LZTFL1: variants seen among roughly 807,000 people sequenced by gnomAD.
LZTFL1 encodes leucine zipper transcription factor-like protein 1.
Under a neutral mutation model 45.9 loss-of-function variants are expected in LZTFL1, and 25 were observed. The ratio of observed to expected loss-of-function variants is 0.54; its 90% CI spans 0.40 to 0.76. The LOEUF is 0.76. Ranked by LOEUF, LZTFL1 falls within the 30% of genes least tolerant of loss-of-function variation. LZTFL1 has a pLI of 0.00. For missense variants in LZTFL1, 277 were observed against 331.1 expected (o/e 0.84, Z 1.27); for synonymous variants, 93 against 117.4 (o/e 0.79, Z 1.35).
chr3:45,909,268 A>G (rs1702742231), intron 2 of LZTFL1, among the ~76,000 whole-genome samples: 1 of 152,168 alleles, frequency 6.6e-6, no homozygotes, highest in Admixed American at 6.5e-5. Flanking sequence ...TCATCCCAAA[A>G]TCACCTCTCC....
intron 2 of LZTFL1, among the ~76,000 whole-genome samples, chr3:45,884,570 C>T (rs754075374): frequency 6.6e-6 from 1 of 152,194 alleles, no homozygotes; most frequent in Non-Finnish European, 1.5e-5. Flanking sequence ...TACCCCTTCT[C>T]CTCTTCCCTG....
At chr3:45,852,025 C>A (rs778758344) in intron 4 of LZTFL1, among the ~76,000 whole-genome samples, 9 of 152,194 alleles carry the variant, frequency 5.9e-5, no homozygotes, top group African/African-American at 1.7e-4. Flanking sequence ...AGTCCTGACA[C>A]GTTCATCTCC....
At chr3:45,866,228 C>T (rs528458623) in intron 2 of LZTFL1, among the ~76,000 whole-genome samples, 147 of 152,144 alleles carry the variant, frequency 9.7e-4, no homozygotes, top group African/African-American at 3.4e-3. Flanking sequence ...ATGATTGATC[C>T]GGTGTGTACT....
intron 2 of LZTFL1, among the ~76,000 whole-genome samples, chr3:45,880,842 C>A (rs1296535356): frequency 3.9e-5 from 6 of 152,064 alleles, no homozygotes; most frequent in African/African-American, 7.2e-5. Flanking sequence ...CTTCCCACGC[C>A]ACTCCCTCCA....
chr3:45,833,596 T>A (rs1700888842), intron 4 of LZTFL1, among the ~76,000 whole-genome samples: 1 of 152,180 alleles, frequency 6.6e-6, no homozygotes, highest in Non-Finnish European at 1.5e-5. Context: ...ATATAGTAGT[T>A]TAGTAATATA....
At chr3:45,897,399 A>G (rs1255167532) in intron 2 of LZTFL1, among the ~76,000 whole-genome samples, 1 of 152,218 alleles carries the variant, frequency 6.6e-6, no homozygotes, top group Non-Finnish European at 1.5e-5. Context: ...ATTCTCACCC[A>G]GCAGAAAAAC....
At chr3:45,864,917 C>A (rs774693232) in intron 2 of LZTFL1, among the ~76,000 whole-genome samples, 1 of 152,222 alleles carries the variant, frequency 6.6e-6, no homozygotes, top group Non-Finnish European at 1.5e-5. Flanking sequence ...TTTTGCCCTT[C>A]TCAGAATGAC....
chr3:45,905,341 T>A (rs556734843), intron 2 of LZTFL1, among the ~76,000 whole-genome samples: 1 of 152,354 alleles, frequency 6.6e-6, no homozygotes, highest in South Asian at 2.1e-4. Context: ...TCCTACATTA[T>A]TAGAACAGAC....
chr3:45,854,342 G>C (rs1575271034), intron 4 of LZTFL1: 1 of 153,210 alleles, frequency 6.5e-6, no homozygotes, highest in East Asian at 1.9e-4. Flanking sequence ...GAGGCAGGCA[G>C]ATCACCTGAG....
chr3:45,894,998 A>T, intron 2 of LZTFL1: 1 of 1,596,272 alleles, frequency 6.3e-7, no homozygotes, highest in Non-Finnish European at 8.6e-7. Flanking sequence ...ACACACACTC[A>T]TCTTCCCTTT....
intron 2 of LZTFL1, among the ~76,000 whole-genome samples, chr3:45,899,162 G>T (rs1380993151): frequency 1.3e-5 from 2 of 152,208 alleles, no homozygotes. Flanking sequence ...GCAAAACTCC[G>T]TCTCAAAACA....
chr3:45,915,665 AG>A, upstream of LZTFL1: 2 of 369,572 alleles, frequency 5.4e-6, no homozygotes, highest in Middle Eastern at 3.8e-4. Context: ...AATTCATTCA[AG>A]GCTTTAGATG....
intron 2 of LZTFL1, among the ~76,000 whole-genome samples, chr3:45,885,287 G>C (rs1486111192): frequency 2.6e-5 from 4 of 152,072 alleles, no homozygotes; most frequent in African/African-American, 7.2e-5. Flanking sequence ...ATATATAAAA[G>C]GGATCTTTGT....
chr3:45,853,085 T>G (rs1701331809), intron 4 of LZTFL1, among the ~76,000 whole-genome samples: 1 of 152,178 alleles, frequency 6.6e-6, no homozygotes, highest in Non-Finnish European at 1.5e-5. Context: ...ACACTGAAGG[T>G]GGGGTAGGTG....
chr3:45,890,038 C>T (rs2125739992), intron 2 of LZTFL1, among the ~76,000 whole-genome samples: 1 of 150,858 alleles, frequency 6.6e-6, no homozygotes, highest in South Asian at 2.1e-4. Flanking sequence ...AATTTATACT[C>T]CTCACAGCAG....
chr3:45,904,601 T>C (rs1002704744), intron 2 of LZTFL1, among the ~76,000 whole-genome samples: 1 of 152,234 alleles, frequency 6.6e-6, no homozygotes, highest in African/African-American at 2.4e-5. Flanking sequence ...TCCTTCCATT[T>C]TGGTCTTGTG....
At chr3:45,892,788 T>C (rs1472301086) in intron 2 of LZTFL1, among the ~76,000 whole-genome samples, 6 of 152,076 alleles carry the variant, frequency 3.9e-5, no homozygotes, top group Non-Finnish European at 1.5e-5. Flanking sequence ...ATCTCTCAAG[T>C]TGGCTACAAC....
upstream of LZTFL1, chr3:45,842,211 T>G: frequency 2.5e-4 from 351 of 1,407,848 alleles, no homozygotes; most frequent in Non-Finnish European, 3.0e-4. Flanking sequence ...CGTAACCGGT[T>G]GACTGCCACA....
chr3:45,871,705 C>A (rs892276520), intron 2 of LZTFL1, among the ~76,000 whole-genome samples: 3 of 151,856 alleles, frequency 2.0e-5, no homozygotes, highest in African/African-American at 7.3e-5. Flanking sequence ...GACGCTAACA[C>A]CCACACACCT....
Sources: allele counts gnomAD v4.1 joint callset (sites outside exome capture counted in the v4.1 genomes callset), GRCh38; gene constraint gnomAD v4.1.1; transcripts MANE v1.5; gene names NCBI Gene and HGNC (gene_info 2026-07-23, HGNC 2026-07-21).